Variants in GBF1 observed in about 807,000 individuals in gnomAD.
GBF1 encodes the protein Golgi-specific brefeldin A-resistance guanine nucleotide exchange factor 1.
GBF1 carries 114 observed loss-of-function variants against 210.5 expected under a neutral mutation model. The ratio of observed to expected loss-of-function variants is 0.54; its 90% CI spans 0.47 to 0.63. The LOEUF is 0.63. Ranked by LOEUF, GBF1 falls within the 30% of genes least tolerant of loss-of-function variation. GBF1 has a pLI of 0.00. For synonymous variants in GBF1, 850 were observed against 889.2 expected (o/e 0.96, Z 0.78); for missense variants, 1,851 against 2,357.7 (o/e 0.79, Z 4.45).
At chr10:102,345,112 T>C (rs11597024) in intron 4 of GBF1, among the ~76,000 whole-genome samples, 13,621 of 151,676 alleles carry the variant, frequency 0.09, 771 homozygotes, top group Non-Finnish European at 0.12. Context: ...TGAAACCCCG[T>C]ATCTACTAAA....
the GBF1 span, chr10:102,232,216 C>A: frequency 3.0e-6 from 2 of 657,036 alleles, no homozygotes; most frequent in Non-Finnish European, 5.5e-6. Flanking sequence ...AAAGCTGGGG[C>A]TGCGTGGGGC....
intron 18 of GBF1, among the ~76,000 whole-genome samples, 196 bp downstream of exon 18, chr10:102,365,795 C>T (rs1487901516): frequency 6.6e-6 from 1 of 152,036 alleles, no homozygotes; most frequent in East Asian, 1.9e-4. Context: ...CCTGTAGTCC[C>T]AGCTGTTCAG....
intron 3 of GBF1, among the ~76,000 whole-genome samples, chr10:102,329,998 C>G (rs550355449): frequency 2.0e-5 from 3 of 152,142 alleles, no homozygotes; most frequent in African/African-American, 7.2e-5. Flanking sequence ...TAGTCTTAGC[C>G]ACTCAGGAGT....
chr10:102,365,332 T>C (rs966543816), intron 17 of GBF1, 65 bp from the exon 18 acceptor site: 13 of 1,276,734 alleles, frequency 1.0e-5, no homozygotes, highest in Middle Eastern at 3.7e-4. Flanking sequence ...TATGGTGGAC[T>C]CCAGGCTGGC....
chr10:102,379,699 G>C (rs745905606), intron 35 of GBF1, 48 bp downstream of exon 35: 5 of 1,609,296 alleles, frequency 3.1e-6, no homozygotes, highest in Non-Finnish European at 3.4e-6. Context: ...CCTAAGAAAA[G>C]GAAAGCCAGG....
Position 102,363,236 on chromosome 10 carries a change from ATCT to A in GBF1, c.1877-13_1877-11del, listed in dbSNP as rs761086857. On this transcript the variant is annotated splice_polypyrimidine_tract_variant and intron_variant, in intron 15 of 39. Transcript: ENST00000369983. The surrounding 1 kb of genome is among the most constrained non-coding windows in gnomAD (Gnocchi z 4.2). ...CTTCATACCCTATAAGTCTTCACGT[ATCT>A]TCTTCTCTCTTACCAGCTGAGAGAA... 5.6e-6 allele frequency: 9 copies of A among 1,603,808 alleles called. No individual in the cohort carries two copies. The highest frequency in any genetic ancestry group is 2.2e-5 in the East Asian group (1 of 44,786).
At chr10:102,285,340 T>C (rs1565059229) in intron 3 of GBF1, among the ~76,000 whole-genome samples, 1 of 152,216 alleles carries the variant, frequency 6.6e-6, no homozygotes. Flanking sequence ...CCAGCTTATC[T>C]TCCTGCTCAC....
intron 3 of GBF1, among the ~76,000 whole-genome samples, chr10:102,307,937 C>G (rs1338812996): frequency 6.6e-6 from 1 of 152,094 alleles, no homozygotes; most frequent in Admixed American, 6.6e-5. Context: ...TAGGGAACTT[C>G]AAAACCACCA....
chr10:102,252,384 G>A (rs2071666727), intron 1 of GBF1, among the ~76,000 whole-genome samples: 1 of 151,468 alleles, frequency 6.6e-6, no homozygotes, highest in African/African-American at 2.4e-5. Flanking sequence ...ATAAATAAGT[G>A]GTTTTAAGAT....
chr10:102,237,936 G>C, the GBF1 span, among the ~76,000 whole-genome samples: 1 of 151,966 alleles, frequency 6.6e-6, no homozygotes, highest in Non-Finnish European at 1.5e-5. Context: ...GGTCACTGGA[G>C]GCTTGTATCC....
At chr10:102,302,413 A>G (rs541707765) in intron 3 of GBF1, among the ~76,000 whole-genome samples, 3 of 152,346 alleles carry the variant, frequency 2.0e-5, no homozygotes, top group African/African-American at 7.2e-5. Context: ...TTATAGCTCA[A>G]TAAAGCTGTT....
rs11191274 is a variant in GBF1, at chr10:102,380,593, G to A, written c.5080G>A (p.Gly1694Ser). 0.12 allele frequency: 189,149 copies of A among 1,613,590 alleles called. 12,363 individuals carry two copies. Among genetic ancestry groups the A allele is most frequent in the Non-Finnish European group, 0.13 (158,256 of 1,179,684 alleles). Residue 1694 changes from glycine (G) to serine (S), a missense_variant, in exon 38 of 40, where the codon GGC becomes AGC. Gly to Ser is a moderately conservative substitution (Grantham distance 56). Coordinates refer to ENST00000369983, the MANE Select transcript of GBF1 (RefSeq NM_001377137.1). ...IFHSADARGG[G>S]PSALWEITWE... Reference sequence around the variant, plus strand: ...CCACAGTGCAGATGCACGGGGAGGCGGCCCCTCGGCCCTCTGGGAGATCAC... The same window carrying A: ...CCACAGTGCAGATGCACGGGGAGGCAGCCCCTCGGCCCTCTGGGAGATCAC...
chr10:102,271,931 T>C (rs1023219508), intron 3 of GBF1, among the ~76,000 whole-genome samples: 3 of 151,726 alleles, frequency 2.0e-5, no homozygotes. Flanking sequence ...TTTTGTATTC[T>C]TTGTAGAGAC....
At chr10:102,331,621 G>T (rs1023090737) in intron 3 of GBF1, among the ~76,000 whole-genome samples, 7 of 151,920 alleles carry the variant, frequency 4.6e-5, no homozygotes, top group Non-Finnish European at 1.0e-4. Context: ...AAAACAGGGT[G>T]GGTTGACCTT....
At chr10:102,347,397 C>T (rs1589724715) in intron 4 of GBF1, among the ~76,000 whole-genome samples, 1 of 152,190 alleles carries the variant, frequency 6.6e-6, no homozygotes. Flanking sequence ...TCCAGCCTTG[C>T]CCTGAGCACC....
intron 3 of GBF1, among the ~76,000 whole-genome samples, chr10:102,317,587 C>T (rs1276364865): frequency 1.3e-5 from 2 of 152,134 alleles, no homozygotes; most frequent in African/African-American, 2.4e-5. Flanking sequence ...CATTGCACTC[C>T]AGCCTGGGCG....
At chr10:102,309,416 C>T (rs571784574) in intron 3 of GBF1, among the ~76,000 whole-genome samples, 3 of 152,224 alleles carry the variant, frequency 2.0e-5, no homozygotes, top group South Asian at 4.1e-4. Context: ...TATAAGGTCA[C>T]GAAAATGAAA....
the GBF1 span, chr10:102,231,011 C>G: frequency 6.3e-7 from 1 of 1,596,976 alleles, no homozygotes; most frequent in Non-Finnish European, 8.5e-7. Flanking sequence ...ACCAGCCCCC[C>G]GAGCGGCGCC....
intron 7 of GBF1, among the ~76,000 whole-genome samples, chr10:102,353,261 G>A (rs1432220674): frequency 1.3e-5 from 2 of 152,154 alleles, no homozygotes; most frequent in Middle Eastern, 3.4e-3. Context: ...CTCTCCTAGG[G>A]TTTTGATAGA....
Sources: gnomAD v4.1 joint callset for allele counts (sites outside exome capture counted in the v4.1 genomes callset) on GRCh38, gnomAD v4.1.1 for gene constraint, Gnocchi (gnomAD v3.1) non-coding constraint, MANE v1.5 for transcripts, NCBI Gene and HGNC (gene_info 2026-07-23, HGNC 2026-07-21) for gene names.